The following GABRR3 variants were observed in gnomAD, a reference collection of about 807,000 sequenced individuals.
The protein encoded by GABRR3 is gamma-aminobutyric acid type A receptor subunit rho3, also known as gamma-aminobutyric acid receptor subunit rho-3.
A neutral mutation model predicts 43.2 loss-of-function variants in GABRR3; 29 were observed. The ratio of observed to expected loss-of-function variants is 0.67; its 90% CI spans 0.50 to 0.92. GABRR3 has a LOEUF of 0.92. Among genes scored for constraint, GABRR3 ranks in the 40% least tolerant of loss-of-function variants. GABRR3 has a pLI of 0.00. For missense variants in GABRR3, 576 were observed against 572.3 expected (o/e 1.01, Z -0.07); for synonymous variants, 206 against 195.9 (o/e 1.05, Z -0.43).
intron 7 of GABRR3, among the ~76,000 whole-genome samples, chr3:98,007,503 T>C (rs1002561756): frequency 1.3e-5 from 2 of 152,178 alleles, no homozygotes; most frequent in African/African-American, 4.8e-5. Flanking sequence ...AACTTTATGT[T>C]CCAAAGAGAT....
At chr3:98,032,063 C>CATAGT (rs63090761) in intron 2 of GABRR3, among the ~76,000 whole-genome samples, 16,731 of 140,246 alleles carry the variant, frequency 0.12, 1,170 homozygotes, top group East Asian at 0.18. Flanking sequence ...GTGTCTAGCA[C>CATAGT]ATAGTATAGT....
At chr3:98,017,633 A>T (rs1432475331) in intron 4 of GABRR3, 22 bp downstream of exon 4, 1 of 1,580,052 alleles carries the variant, frequency 6.3e-7, no homozygotes, top group South Asian at 1.1e-5. Context: ...GAAAAAGAGC[A>T]ATATCCCATG....
chr3:98,003,002 C>CT (rs1289897270), intron 7 of GABRR3, among the ~76,000 whole-genome samples: 1 of 152,154 alleles, frequency 6.6e-6, no homozygotes, highest in African/African-American at 2.4e-5. Context: ...TACTCATTAT[C>CT]TTTTTCTTCC....
intron 9 of GABRR3, 53 bp downstream of exon 9, chr3:97,992,799 G>C (rs1559773375): frequency 1.3e-6 from 2 of 1,486,518 alleles, no homozygotes; most frequent in South Asian, 2.7e-5. Flanking sequence ...AATAGATAAG[G>C]GTAGTCTTTT....
intron 7 of GABRR3, among the ~76,000 whole-genome samples, chr3:98,007,438 T>G (rs934558119): frequency 4.6e-5 from 7 of 152,010 alleles, no homozygotes; most frequent in Non-Finnish European, 8.8e-5. Flanking sequence ...AAACTTCAAT[T>G]TGTTGTAAAT....
chr3:98,016,708 G>A (rs1418989668), intron 4 of GABRR3, among the ~76,000 whole-genome samples: 1 of 152,264 alleles, frequency 6.6e-6, no homozygotes, highest in Non-Finnish European at 1.5e-5. Context: ...TCAAGAGTGA[G>A]TAAAAAGGAA....
chr3:98,017,967 T>A (rs1706892750), intron 3 of GABRR3, among the ~76,000 whole-genome samples: 1 of 151,792 alleles, frequency 6.6e-6, no homozygotes, highest in African/African-American at 2.4e-5. Context: ...ATGCCAATAA[T>A]TTCCTCCTCT....
intron 4 of GABRR3, among the ~76,000 whole-genome samples, chr3:98,016,856 G>A (rs1465970608): frequency 6.6e-6 from 1 of 152,122 alleles, no homozygotes; most frequent in African/African-American, 2.4e-5. Context: ...AACAAGGAAA[G>A]TGGTCCTAAA....
chr3:98,034,448 T>C lies in GABRR3; in HGVS notation c.125+415A>G, dbSNP rs538152665. ...CTTTTGATACTATTTCATCAATCCATGAAACTATATACCCTAGAAATACTT... is the reference window on the plus strand; with the variant it reads ...CTTTTGATACTATTTCATCAATCCACGAAACTATATACCCTAGAAATACTT... On this transcript the variant is annotated intron_variant, in intron 2 of 9. Coordinates refer to ENST00000621172, the Ensembl canonical transcript of GABRR3. Among the ~76,000 whole-genome samples the C allele has an allele frequency of 7.9e-5, 12 of 152,278 alleles. No individual in the cohort carries two copies. The South Asian group carries it at 2.5e-3, about 32-fold the overall frequency.
intron 9 of GABRR3, among the ~76,000 whole-genome samples, chr3:97,988,421 A>G (rs1273346162): frequency 6.6e-6 from 1 of 152,244 alleles, no homozygotes; most frequent in Admixed American, 6.5e-5. Flanking sequence ...GCAATGGTCA[A>G]CACCAGGGAT....
At chr3:98,024,647 T>G (rs1487408445) in intron 3 of GABRR3, among the ~76,000 whole-genome samples, 2 of 152,174 alleles carry the variant, frequency 1.3e-5, no homozygotes, top group Non-Finnish European at 2.9e-5. Flanking sequence ...CAGAGGATCT[T>G]TCTTCTCACC....
intron 8 of GABRR3, among the ~76,000 whole-genome samples, chr3:97,996,438 G>A (rs1706554348): frequency 1.3e-5 from 2 of 152,074 alleles, no homozygotes; most frequent in African/African-American, 4.8e-5. Flanking sequence ...AGTTGCCTAA[G>A]TATTCACTTT....
At chr3:98,030,211 T>C (rs929111085) in intron 2 of GABRR3, among the ~76,000 whole-genome samples, 1 of 151,774 alleles carries the variant, frequency 6.6e-6, no homozygotes, top group Non-Finnish European at 1.5e-5. Context: ...TCAAGAACTA[T>C]AAAAATATTT....
chr3:98,033,434 A>G (rs73144807), intron 2 of GABRR3, among the ~76,000 whole-genome samples: 1,638 of 152,220 alleles, frequency 0.011, 8 homozygotes, highest in Non-Finnish European at 0.018. Flanking sequence ...CTACCTCACC[A>G]CAAAGAACCA....
intron 9 of GABRR3, among the ~76,000 whole-genome samples, chr3:97,992,200 G>T (rs1364629708): frequency 6.6e-6 from 1 of 152,180 alleles, no homozygotes; most frequent in East Asian, 1.9e-4. Flanking sequence ...GGATACTGTG[G>T]GGGGAAGAAC....
At chr3:98,029,609 A>C (rs553832302) in intron 2 of GABRR3, among the ~76,000 whole-genome samples, 4 of 152,312 alleles carry the variant, frequency 2.6e-5, no homozygotes, top group South Asian at 4.1e-4. Flanking sequence ...GGAGGCCTAC[A>C]TATTTGATGA....
intron 2 of GABRR3, among the ~76,000 whole-genome samples, chr3:98,028,921 G>A (rs1260369060): frequency 6.6e-6 from 1 of 152,066 alleles, no homozygotes; most frequent in Non-Finnish European, 1.5e-5. Flanking sequence ...CTTAATAAAG[G>A]ATCACTATAT....
intron 9 of GABRR3, among the ~76,000 whole-genome samples, chr3:97,987,569 C>T (rs867105621): frequency 2.0e-5 from 3 of 152,166 alleles, no homozygotes; most frequent in East Asian, 1.9e-4. Flanking sequence ...AGGCTACTAT[C>T]GGATGAAATT....
chr3:98,029,005 C>T (rs554842302), intron 2 of GABRR3, among the ~76,000 whole-genome samples: 1 of 152,140 alleles, frequency 6.6e-6, no homozygotes, highest in Non-Finnish European at 1.5e-5. Flanking sequence ...CCCTTTGTGT[C>T]TTCTCCCCTC....
Sources: allele counts gnomAD v4.1 joint callset (sites outside exome capture counted in the v4.1 genomes callset), GRCh38; gene constraint gnomAD v4.1.1; transcripts MANE v1.5; gene names NCBI Gene and HGNC (gene_info 2026-07-23, HGNC 2026-07-21).